Variants in WSCD1 observed in about 807,000 individuals in gnomAD.
WSCD1 encodes the protein sialate:O-sulfotransferase 1.
A neutral mutation model predicts 60.4 loss-of-function variants in WSCD1; 41 were observed. That is an observed-to-expected ratio of 0.68 (90% CI 0.53 to 0.88). WSCD1 has a LOEUF of 0.88. Ranked by LOEUF, WSCD1 falls within the 40% of genes least tolerant of loss-of-function variation. The pLI is 0.00. For missense variants in WSCD1, 784 were observed against 796.2 expected (o/e 0.98, Z 0.18); for synonymous variants, 361 against 332.5 (o/e 1.09, Z -0.93).
At chr17:6,103,079 A>C (rs2150559301) in intron 5 of WSCD1, among the ~76,000 whole-genome samples, 1 of 152,022 alleles carries the variant, frequency 6.6e-6, no homozygotes, top group Non-Finnish European at 1.5e-5. Flanking sequence ...TCATACTCCT[A>C]CTCCACCACT....
intron 5 of WSCD1, among the ~76,000 whole-genome samples, chr17:6,099,828 C>T (rs1360377451): frequency 6.6e-6 from 1 of 152,112 alleles, no homozygotes; most frequent in Non-Finnish European, 1.5e-5. Flanking sequence ...TTGTTCAAAT[C>T]CCCCCTCCCT....
At position 6,120,759 on chromosome 17, in the gene WSCD1, C is replaced by T. The variant is rs569594608; in HGVS notation, c.*98C>T. 1.9e-5 allele frequency: 25 copies of T among 1,316,590 alleles called. No homozygotes were observed. The highest frequency in any genetic ancestry group is 8.8e-5 in the African/African-American group (6 of 68,304). 81.6% of individuals were successfully genotyped at this position (1,316,590 alleles called of 1,614,324 possible). On this transcript the variant is annotated 3_prime_UTR_variant, in exon 9 of 9. Transcript: ENST00000317744. ...GCTCAGGCCCGTGGCCTCACTGGGA[C>T]GAACGGTGGGTGGGGGGCTCACCCT...
rs1904612894 is a variant in WSCD1 at position 6,120,484 on chromosome 17, G to T, written c.1551G>T (p.Leu517=). The T allele has an allele frequency of 4.3e-6, 7 of 1,613,986 alleles. No individual in the cohort carries two copies. Among genetic ancestry groups the T allele is most frequent in the Non-Finnish European group, 5.9e-6 (7 of 1,180,020 alleles). ...ACGTGTCTGTGAGCGAGGAGCGGCT[G>T]CTCTGCGTGGAGAACAACAAGGAGG... is the stretch of plus-strand genomic sequence containing the variant. ...FLNVSVSEER[L]LCVENNKEGS... The change falls in exon 9 of 9, where the codon CTG becomes CTT. Residue 517 remains leucine, a synonymous_variant. Coordinates refer to ENST00000317744, the MANE Select transcript of WSCD1 (RefSeq NM_015253.2).
upstream of WSCD1, among the ~76,000 whole-genome samples, chr17:6,070,239 GT>G (rs111725839): frequency 1 from 149,985 of 149,988 alleles, 74,991 homozygotes; most frequent in Middle Eastern, 1. Flanking sequence ...CCGCGCGCGT[GT>G]TCTCGCGGGC....
chr17:6,081,048 G>C lies in WSCD1; in HGVS notation c.390G>C (p.Leu130=). The part of the protein sequence containing the change: ...FMSDSQGPPA[L]GPEAARPAIH... ...GTGACTCCCAGGGACCGCCCGCCCT[G>C]GGCCCCGAGGCTGCCAGGCCCGCCA... Residue 130 remains leucine (L), a synonymous_variant, in exon 2 of 9, where the codon CTG becomes CTC. Coordinates refer to ENST00000317744, the MANE Select transcript of WSCD1 (RefSeq NM_015253.2). The C allele has an allele frequency of 6.5e-7, 1 of 1,540,888 alleles. No homozygotes were observed. The highest frequency in any genetic ancestry group is 8.7e-7 in the Non-Finnish European group (1 of 1,145,076).
At chr17:6,119,173 ACT>A (rs1258341305) in intron 8 of WSCD1, among the ~76,000 whole-genome samples, 3 of 152,106 alleles carry the variant, frequency 2.0e-5, no homozygotes, top group South Asian at 4.2e-4. Flanking sequence ...GTGGGTTAGG[ACT>A]CTCTGTGAAT....
At chr17:6,077,338 C>T (rs1477809839) in intron 1 of WSCD1, among the ~76,000 whole-genome samples, 1 of 151,592 alleles carries the variant, frequency 6.6e-6, no homozygotes, top group Admixed American at 6.6e-5. Flanking sequence ...CCACCCGCCT[C>T]GGCCTCCCAA....
intron 2 of WSCD1, among the ~76,000 whole-genome samples, chr17:6,086,724 A>G (rs1280989146): frequency 1.3e-5 from 2 of 152,002 alleles, no homozygotes; most frequent in Admixed American, 6.6e-5. Flanking sequence ...CCAGAAGTGG[A>G]TGGTTGGCAG....
chr17:6,115,324 T>C (rs1487011239), intron 7 of WSCD1, among the ~76,000 whole-genome samples: 2 of 152,230 alleles, frequency 1.3e-5, no homozygotes, highest in African/African-American at 4.8e-5. Flanking sequence ...ACTGATTTAA[T>C]CTGCTCATTC....
rs1302798951 is a variant in WSCD1 at position 6,117,181 on chromosome 17, A to C, written c.1175-807A>C. Among the ~76,000 whole-genome samples, 4 of 152,338 alleles carry C rather than the reference A, an allele frequency of 2.6e-5. No individual in the cohort carries two copies. The South Asian group carries it at 8.3e-4, about 32-fold the overall frequency. On this transcript the variant is annotated intron_variant, in intron 7 of 8. Transcript: ENST00000317744. ...GCGGAGTCTGGCCTTCTCTGCCAGT[A>C]GTCAGTCATTCAGGTTCTGAGTGCC...
At chr17:6,099,703 C>T (rs946262370) in intron 5 of WSCD1, among the ~76,000 whole-genome samples, 5 of 151,976 alleles carry the variant, frequency 3.3e-5, no homozygotes, top group Middle Eastern at 3.2e-3. Context: ...TCAAGGGCTA[C>T]GTAAATGACA....
At chr17:6,098,150 G>T (rs1303447310) in intron 5 of WSCD1, among the ~76,000 whole-genome samples, 1 of 120,466 alleles carries the variant, frequency 8.3e-6, no homozygotes, top group South Asian at 2.5e-4. Flanking sequence ...AGACAGGGGG[G>T]CGGGGTGGGG....
Position 6,081,070 on chromosome 17 carries a change from G to A in WSCD1, c.412G>A (p.Ala138Thr), listed in dbSNP as rs1038429042. 1.3e-5 allele frequency: 20 copies of A among 1,537,870 alleles called. No individual in the cohort carries two copies. Among genetic ancestry groups the A allele is most frequent in the Middle Eastern group, 1.7e-4 (1 of 5,970 alleles). Residue 138 changes from alanine (A) to threonine (T), a missense_variant, in exon 2 of 9, where the codon GCC becomes ACC. Physicochemically the swap from Ala to Thr is moderately conservative, Grantham distance 58. Transcript: ENST00000317744. ...PALGPEAARP[A>T]IHSRGTYIGC... ...CCTGGGCCCCGAGGCTGCCAGGCCC[G>A]CCATCCACAGCCGAGGTAGGCGCTC...
chr17:6,121,489 GCTT>G lies in WSCD1; in HGVS notation c.*833_*835del, dbSNP rs1904703521. On this transcript the variant is annotated 3_prime_UTR_variant, in exon 9 of 9. Transcript: ENST00000317744. Reference sequence around the variant, plus strand: ...CCGGGGCCTGGGGCCTCCTTGCCTGGCTTCTTCCTCCAGCTATCCTCAGGGAAG... The same window carrying G: ...CCGGGGCCTGGGGCCTCCTTGCCTGGCTTCCTCCAGCTATCCTCAGGGAAG... 1 of 152,270 alleles carries G rather than the reference GCTT, an allele frequency of 6.6e-6. No homozygotes were observed. Among genetic ancestry groups the G allele is most frequent in the South Asian group, 2.1e-4 (1 of 4,826 alleles). The allele number at this position is 152,270 out of a possible 1,614,324, so 9.4% of individuals were successfully genotyped here.
upstream of WSCD1, among the ~76,000 whole-genome samples, chr17:6,069,768 T>C (rs1908407510): frequency 7.5e-6 from 1 of 132,624 alleles, no homozygotes; most frequent in African/African-American, 3.0e-5. Flanking sequence ...CATGGGACGG[T>C]GATCCGGTGT....
At chr17:6,109,328 T>C (rs147919904) in intron 5 of WSCD1, among the ~76,000 whole-genome samples, 7 of 152,306 alleles carry the variant, frequency 4.6e-5, no homozygotes, top group Non-Finnish European at 1.0e-4. Flanking sequence ...TCAGTCATAT[T>C]GCTGCTCATA....
rs8075399 is a variant in WSCD1, at chr17:6,080,220, A to G, written c.-288-151A>G. The G allele has an allele frequency of 0.041, 7,808 of 190,810 alleles. 645 individuals carry two copies. The highest frequency in any genetic ancestry group is 0.17 in the African/African-American group (7,234 of 41,826). The allele number at this position is 190,810 out of a possible 1,614,324, so 11.8% of individuals were successfully genotyped here. A position where few individuals can be genotyped will look rare whatever the true frequency, so the allele number is the denominator to read the frequency against. ...AGTGTCACACAGCTGGCCAGTAACA[A>G]AGCTGGGATTTAAACCTGGCTTTGT... On this transcript the variant is annotated intron_variant, in intron 1 of 8. Transcript: ENST00000317744. This position sits in a 1 kb window ranked among gnomAD's most constrained non-coding sequence, Gnocchi z 6.6.
chr17:6,077,727 G>A (rs1555526232), intron 1 of WSCD1, among the ~76,000 whole-genome samples: 1 of 152,206 alleles, frequency 6.6e-6, no homozygotes, highest in Non-Finnish European at 1.5e-5. Context: ...GAATTCACCA[G>A]TATACTCTGC....
chr17:6,097,570 A>G (rs1177165388), intron 5 of WSCD1, among the ~76,000 whole-genome samples: 2 of 152,136 alleles, frequency 1.3e-5, no homozygotes, highest in Admixed American at 6.5e-5. Context: ...ATTCTTTTTT[A>G]CCATTGCACG....
Sources: allele counts gnomAD v4.1 joint callset (sites outside exome capture counted in the v4.1 genomes callset), GRCh38; gene constraint gnomAD v4.1.1; non-coding constraint Gnocchi (gnomAD v3.1); transcripts MANE v1.5; gene names NCBI Gene and HGNC (gene_info 2026-07-23, HGNC 2026-07-21).